NUP214: variants seen among roughly 807,000 people sequenced by gnomAD.
NUP214 encodes the protein nucleoporin 214, also known as nuclear pore complex protein Nup214.
A neutral mutation model predicts 196.2 loss-of-function variants in NUP214; 79 were observed. That is an observed-to-expected ratio of 0.40 (90% CI 0.34 to 0.49). NUP214 has a LOEUF of 0.49. Ranked by LOEUF, NUP214 falls within the 20% of genes least tolerant of loss-of-function variation. The pLI is 0.58. For missense variants in NUP214, 2,468 were observed against 2,539.0 expected (o/e 0.97, Z 0.60); for synonymous variants, 1,020 against 990.5 (o/e 1.03, Z -0.56).
chr9:131,187,358 C>A lies in NUP214; in HGVS notation c.3489C>A (p.Ala1163=). 6.3e-7 allele frequency: 1 copy of A among 1,590,852 alleles called. No homozygotes were observed. Among genetic ancestry groups the A allele is most frequent in the Non-Finnish European group, 8.6e-7 (1 of 1,159,718 alleles). ...TGACCCCAGTGGCTGCTAACCAAGC[C>A]AAGCAGGTAACTTACTGATTTTTAC... is the stretch of plus-strand genomic sequence containing the variant. ...PVLTPVAANQ[A]KQGSLINSLK... Residue 1163 remains alanine (A), a synonymous_variant, in exon 25 of 36, where the codon GCC becomes GCA. Transcript: ENST00000359428.
At chr9:131,129,629 C>T (rs1588120321) in intron 4 of NUP214, 152 bp downstream of exon 4, 1 of 739,804 alleles carries the variant, frequency 1.4e-6, no homozygotes, top group East Asian at 2.6e-5. Context: ...TTTTTTGAGA[C>T]AGTCTCACTG....
chr9:131,216,693 GT>G (rs1252762242), intron 31 of NUP214, among the ~76,000 whole-genome samples: 1 of 149,158 alleles, frequency 6.7e-6, no homozygotes, highest in Non-Finnish European at 1.5e-5. Flanking sequence ...AGCCTGGCTA[GT>G]TTTTGTATTT....
chr9:131,196,041 C>T lies in NUP214; in HGVS notation c.3721+747C>T, dbSNP rs959910191. Among the ~76,000 whole-genome samples the T allele has an allele frequency of 4.9e-5, 2 of 40,608 alleles. 1 individual carries two copies. The highest frequency in any genetic ancestry group is 1.7e-4 in the Non-Finnish European group (2 of 11,552). 26.6% of individuals were successfully genotyped at this position (40,608 alleles called of 152,430 possible). A position where few individuals can be genotyped will look rare whatever the true frequency, so the allele number is the denominator to read the frequency against. On this transcript the variant is annotated intron_variant, in intron 28 of 35. Transcript: ENST00000359428. ...CTCTGTGTGTCCCCCCCCCCCCCCG[C>T]GCCAAAAAATCCATCAATAGCATGT...
intron 30 of NUP214, among the ~76,000 whole-genome samples, chr9:131,206,148 CTTT>C (rs71265048): frequency 8.4e-4 from 64 of 76,324 alleles, no homozygotes; most frequent in Non-Finnish European, 9.5e-4. Context: ...TTTCTTTTTT[CTTT>C]TTTTTTTTTT....
intron 12 of NUP214, 123 bp downstream of exon 12, chr9:131,144,877 C>A: frequency 1.3e-6 from 1 of 743,610 alleles, no homozygotes; most frequent in Non-Finnish European, 2.1e-6. Context: ...CAGAGTGATA[C>A]TTGCAAATGG....
At chr9:131,231,236 A>G (rs1273571315) in intron 34 of NUP214, among the ~76,000 whole-genome samples, 1 of 152,174 alleles carries the variant, frequency 6.6e-6, no homozygotes, top group Non-Finnish European at 1.5e-5. Context: ...TCTGTTGCCC[A>G]GGATGGAGTG....
intron 10 of NUP214, among the ~76,000 whole-genome samples, chr9:131,140,084 A>C (rs1258626514): frequency 6.6e-6 from 1 of 152,222 alleles, no homozygotes; most frequent in Non-Finnish European, 1.5e-5. Context: ...GATAAAATAC[A>C]TACTTGTCAT....
chr9:131,131,094 T>G (rs2281905), intron 5 of NUP214, among the ~76,000 whole-genome samples: 44,263 of 151,966 alleles, frequency 0.29, 6,629 homozygotes, highest in East Asian at 0.42. Flanking sequence ...CTGCTTTTTT[T>G]TTGTTGTTGT....
chr9:131,127,272 A>G (rs1183836135), intron 1 of NUP214, among the ~76,000 whole-genome samples: 1 of 152,156 alleles, frequency 6.6e-6, no homozygotes, highest in Non-Finnish European at 1.5e-5. Flanking sequence ...AATCCCAGCT[A>G]CTTGGGAGTC....
intron 31 of NUP214, 190 bp from the exon 32 acceptor site, chr9:131,222,588 A>G (rs553647856): frequency 1.6e-4 from 85 of 527,386 alleles, no homozygotes; most frequent in African/African-American, 1.5e-3. Flanking sequence ...ATGATTAAAA[A>G]CTTCCCAGCA....
At position 131,146,321 on chromosome 9, in the gene NUP214, A is replaced by C; in HGVS notation, c.1945+17A>C. 1.2e-6 allele frequency: 2 copies of C among 1,611,662 alleles called. No homozygotes were observed. Among genetic ancestry groups the C allele is most frequent in the South Asian group, 2.2e-5 (2 of 90,996 alleles). On this transcript the variant is annotated intron_variant, in intron 13 of 35. Transcript: ENST00000359428. This position sits in a 1 kb window ranked among gnomAD's most constrained non-coding sequence, Gnocchi z 4.6. Reference sequence around the variant, plus strand: ...CACCATCAGGTATGATTTTAAGCAGACAACTTTAGACCTCAGCCCTGCCTT... The same window carrying C: ...CACCATCAGGTATGATTTTAAGCAGCCAACTTTAGACCTCAGCCCTGCCTT...
intron 25 of NUP214, among the ~76,000 whole-genome samples, chr9:131,187,587 G>A (rs541242592): frequency 4.5e-4 from 69 of 152,162 alleles, no homozygotes; most frequent in African/African-American, 1.2e-3. Context: ...CGGTTTCACC[G>A]CGTTGGCCAG....
intron 17 of NUP214, among the ~76,000 whole-genome samples, chr9:131,156,062 T>G (rs1235917858): frequency 6.6e-6 from 1 of 152,110 alleles, no homozygotes; most frequent in African/African-American, 2.4e-5. Context: ...TTGTAAATTG[T>G]TTTTGACAGC....
intron 17 of NUP214, among the ~76,000 whole-genome samples, chr9:131,154,704 G>GAA (rs1397397834): frequency 2.0e-5 from 3 of 152,342 alleles, no homozygotes; most frequent in Admixed American, 6.5e-5. Flanking sequence ...TCATAAATGA[G>GAA]AACAAATGGT....
At chr9:131,130,226 C>T (rs1831506162) in intron 4 of NUP214, among the ~76,000 whole-genome samples, 1 of 144,608 alleles carries the variant, frequency 6.9e-6, no homozygotes, top group Non-Finnish European at 1.5e-5. Context: ...TCACTGCAAC[C>T]TCCACCTGCT....
At chr9:131,164,359 T>A (rs1445950880) in intron 21 of NUP214, 1 of 557,104 alleles carries the variant, frequency 1.8e-6, no homozygotes, top group African/African-American at 1.9e-5. Flanking sequence ...TTATATATAC[T>A]TGATGAAGCA....
intron 31 of NUP214, among the ~76,000 whole-genome samples, chr9:131,221,131 G>A (rs554085449): frequency 5.3e-5 from 8 of 152,334 alleles, no homozygotes; most frequent in Non-Finnish European, 1.0e-4. Flanking sequence ...GGAATCAGAC[G>A]TAACTTTGGG....
intron 17 of NUP214, among the ~76,000 whole-genome samples, chr9:131,157,381 G>A (rs1472011313): frequency 6.6e-6 from 1 of 150,460 alleles, no homozygotes; most frequent in African/African-American, 2.4e-5. Context: ...AGCAGGTCTC[G>A]AACACCTGGG....
intron 24 of NUP214, among the ~76,000 whole-genome samples, chr9:131,183,741 T>C (rs1833357523): frequency 6.6e-6 from 1 of 152,156 alleles, no homozygotes; most frequent in Non-Finnish European, 1.5e-5. Flanking sequence ...AATCCTTTTG[T>C]TTTTCTAATT....
Sources: gnomAD v4.1 joint callset for allele counts (sites outside exome capture counted in the v4.1 genomes callset) on GRCh38, gnomAD v4.1.1 for gene constraint, Gnocchi (gnomAD v3.1) non-coding constraint, MANE v1.5 for transcripts, NCBI Gene and HGNC (gene_info 2026-07-23, HGNC 2026-07-21) for gene names.